Variants in EIF3B observed in about 807,000 individuals in gnomAD.
EIF3B encodes the protein eukaryotic translation initiation factor 3 subunit 9.
Under a neutral mutation model 104.6 loss-of-function variants are expected in EIF3B, and 10 were observed. That is an observed-to-expected ratio of 0.10 (90% confidence interval 0.06 to 0.16). The LOEUF (loss-of-function observed/expected upper bound fraction) is 0.16. EIF3B is among the 10% of genes least tolerant of loss of function. The pLI, the probability that EIF3B is intolerant of heterozygous loss-of-function variation, is 1.00. For synonymous variants in EIF3B, 542 were observed against 417.2 expected (o/e 1.30, Z -3.65); for missense variants, 1,014 against 1,087.9 (o/e 0.93, Z 0.96).
chr7:2,369,250 C>T (rs561711030), intron 9 of EIF3B, among the ~76,000 whole-genome samples: 1 of 152,190 alleles, frequency 6.6e-6, no homozygotes, highest in Non-Finnish European at 1.5e-5. Context: ...TGTCTGCATT[C>T]ACTCCTTGTC....
chr7:2,376,478 A>T (rs910688277), intron 14 of EIF3B: 2 of 153,020 alleles, frequency 1.3e-5, no homozygotes, highest in Non-Finnish European at 2.9e-5. Context: ...GAGGCCTGCC[A>T]TGAGGAGAGC....
upstream of EIF3B, chr7:2,354,757 T>G: frequency 1.9e-5 from 10 of 535,448 alleles, no homozygotes; most frequent in Non-Finnish European, 1.5e-5. Context: ...TCAGGGTCGT[T>G]CGTGAGGCCC....
intron 13 of EIF3B, 72 bp downstream of exon 13, chr7:2,374,678 C>A: frequency 7.3e-7 from 1 of 1,368,898 alleles, no homozygotes; most frequent in Non-Finnish European, 1.0e-6. Flanking sequence ...CCTCAGGCGC[C>A]TGCACCCGGC....
chr7:2,356,865 A>G (rs542362311), intron 1 of EIF3B, among the ~76,000 whole-genome samples: 4 of 150,810 alleles, frequency 2.7e-5, no homozygotes, highest in Admixed American at 2.0e-4. Context: ...TTTTTTTTTC[A>G]TAAAAGACAT....
At position 2,363,198 on chromosome 7, in the gene EIF3B, A is replaced by G. The variant is rs140438802; in HGVS notation, c.870+71A>G. On this transcript the variant is annotated intron_variant, in intron 4 of 18. Coordinates refer to ENST00000360876, the MANE Select transcript of EIF3B (RefSeq NM_001037283.2). ...CTGGGTGTGGTGGGTCACACCTGCA[A>G]TCCCAGCACTTAGGGAGGCTGAGGT... 1.1e-3 allele frequency: 1,581 copies of G among 1,461,128 alleles called. 11 individuals are homozygous for G. The African/African-American group carries it at 0.016, about 14-fold the overall frequency. The allele number at this position is 1,461,128 out of a possible 1,614,324, so 90.5% of individuals were successfully genotyped here. A position where few individuals can be genotyped will look rare whatever the true frequency, so the allele number is the denominator to read the frequency against.
At chr7:2,372,215 GAAA>G in intron 11 of EIF3B, 1 of 246,670 alleles carries the variant, frequency 4.1e-6, no homozygotes, top group South Asian at 7.3e-5. Flanking sequence ...AAAAAAAAGA[GAAA>G]AGAGATTGAG....
At chr7:2,376,687 T>C in intron 14 of EIF3B, 2 of 413,550 alleles carry the variant, frequency 4.8e-6, no homozygotes, top group Non-Finnish European at 8.6e-6. Context: ...CAGCATGGGG[T>C]TCTTATTGCC....
rs748558666 is a variant in EIF3B, at chr7:2,372,723, C to T, written c.1738C>T (p.Leu580=). The part of the protein sequence containing the change: ...WEPNGSKFAV[L]HGEAPRISVS... ...ACCAAATGGAAGTAAGTTTGCTGTG[C>T]TGCACGGAGAGGCTCCGCGGATATC... The change falls in exon 12 of 19, where the codon CTG becomes TTG. Residue 580 remains leucine (L), a synonymous_variant. Coordinates refer to ENST00000360876, the MANE Select transcript of EIF3B (RefSeq NM_001037283.2). 3 of 1,614,162 alleles carry T rather than the reference C, an allele frequency of 1.9e-6. No homozygotes were observed. The highest frequency in any genetic ancestry group is 1.7e-6 in the Non-Finnish European group (2 of 1,180,022).
chr7:2,373,623 T>C (rs1419722), intron 12 of EIF3B: 48,062 of 152,164 alleles, frequency 0.32, 9,782 homozygotes, highest in African/African-American at 0.59. Flanking sequence ...GGCAGTGGAT[T>C]ACAAGATTGG....
chr7:2,357,341 G>A lies in EIF3B; in HGVS notation c.499+1921G>A, dbSNP rs1779503556. Among the ~76,000 whole-genome samples the A allele has an allele frequency of 2.0e-5, 3 of 152,272 alleles. No homozygotes were observed. The South Asian group carries it at 6.2e-4, about 32-fold the overall frequency. ...GAGGCATCTGGTCCTGAGGACTAAG[G>A]CTCAGGAAGCCGACTTTGTCATGGC... On this transcript the variant is annotated intron_variant, in intron 1 of 18. Transcript: ENST00000360876.
intron 7 of EIF3B, 30 bp downstream of exon 7, chr7:2,366,478 G>T (rs760436774): frequency 1.2e-6 from 2 of 1,613,984 alleles, no homozygotes; most frequent in African/African-American, 1.3e-5. Flanking sequence ...GAGCTCTGTA[G>T]CCTTTGTCTT....
Position 2,355,470 on chromosome 7 carries a change from G to A in EIF3B, c.499+50G>A, listed in dbSNP as rs115900900. 706 of 1,401,032 alleles carry A rather than the reference G, an allele frequency of 5.0e-4. 1 individual carries two copies. The African/African-American group carries it at 9.3e-3, about 18-fold the overall frequency. The allele number at this position is 1,401,032 out of a possible 1,614,324, so 86.8% of individuals were successfully genotyped here. A position where few individuals can be genotyped will look rare whatever the true frequency, so the allele number is the denominator to read the frequency against. The stretch of plus-strand genomic sequence containing the variant: ...GCGAGCGGCGCGGGAGCGTGGCTGG[G>A]GTTCCCGAGGTGGGAGATATCGTCG... On this transcript the variant is annotated intron_variant, in intron 1 of 18. Coordinates refer to ENST00000360876, the MANE Select transcript of EIF3B (RefSeq NM_001037283.2).
rs1459685125 is a variant in EIF3B at position 2,355,316 on chromosome 7, A to T, written c.395A>T (p.Glu132Val). Residue 132 changes from glutamate to valine, a missense_variant, in exon 1 of 19, where the codon GAG becomes GTG. By Grantham distance (121) the Glu-to-Val change is moderately radical. Transcript: ENST00000360876. ...GTGTCCGAGGACGCGGGAGGAAACGAGGGCAGAGCGGCCGAGGCCGAACCC... is the reference window on the plus strand; with the variant it reads ...GTGTCCGAGGACGCGGGAGGAAACGTGGGCAGAGCGGCCGAGGCCGAACCC... ...QAVSEDAGGN[E>V]GRAAEAEPRA... 1.3e-6 allele frequency: 2 copies of T among 1,540,712 alleles called. No individual in the cohort carries two copies. The highest frequency in any genetic ancestry group is 4.8e-5 in the East Asian group (2 of 41,334).
intron 6 of EIF3B, among the ~76,000 whole-genome samples, chr7:2,365,769 G>A (rs1478282573): frequency 2.0e-5 from 3 of 150,316 alleles, no homozygotes; most frequent in Non-Finnish European, 4.4e-5. Flanking sequence ...TCCACCTCCC[G>A]GGTTCAAGCT....
At position 2,374,489 on chromosome 7, in the gene EIF3B, G is replaced by A. The variant is rs771780865; in HGVS notation, c.1811-39G>A. The A allele has an allele frequency of 2.6e-5, 42 of 1,606,132 alleles. No homozygotes were observed. In the East Asian group the frequency reaches 2.7e-4, roughly 10 times the overall value. ...CCTTGGCTGCCCCGGCACTGTGGAAGCCCTCGCAGCTCGTGACAGGCGCGC... is the reference window on the plus strand; with the variant it reads ...CCTTGGCTGCCCCGGCACTGTGGAAACCCTCGCAGCTCGTGACAGGCGCGC... On this transcript the variant is annotated intron_variant, in intron 12 of 18. Transcript: ENST00000360876.
At position 2,363,745 on chromosome 7, in the gene EIF3B, A is replaced by T; in HGVS notation, c.984A>T (p.Ser328=). The T allele has an allele frequency of 6.2e-7, 1 of 1,613,902 alleles. No individual in the cohort carries two copies. Among genetic ancestry groups the T allele is most frequent in the Non-Finnish European group, 8.5e-7 (1 of 1,179,988 alleles). The change falls in exon 5 of 19, where the codon TCA becomes TCT. Residue 328 remains serine, a synonymous_variant. Transcript: ENST00000360876. ...GGAATGACGTAAAAGACCCTGTCTC[A>T]ATTGAAGAAAGAGCGGTGTGTATTT... ...IFWNDVKDPV[S]IEERARWTET...
chr7:2,364,594 A>G (rs1188743781), intron 6 of EIF3B, 65 bp downstream of exon 6: 6 of 1,436,436 alleles, frequency 4.2e-6, no homozygotes, highest in Non-Finnish European at 5.7e-6. Context: ...TCTACAGGTG[A>G]TCTTTCATTT....
Position 2,380,518 on chromosome 7 carries a change from C to T in EIF3B, c.*329C>T, listed in dbSNP as rs1220635511. The T allele has an allele frequency of 1.6e-5, 7 of 437,382 alleles. No homozygotes were observed. Among genetic ancestry groups the T allele is most frequent in the African/African-American group, 4.0e-5 (2 of 49,792 alleles). 27.1% of individuals were successfully genotyped at this position (437,382 alleles called of 1,614,324 possible). A position where few individuals can be genotyped will look rare whatever the true frequency, so the allele number is the denominator to read the frequency against. On this transcript the variant is annotated 3_prime_UTR_variant, in exon 19 of 19. Coordinates refer to ENST00000360876, the MANE Select transcript of EIF3B (RefSeq NM_001037283.2). ...GGCGTTGGCTCCGAAGACTTAGCGA[C>T]GCCACTGGCGGCACCTTCTCCTGCG...
rs533298801 is a variant in EIF3B at position 2,377,490 on chromosome 7, G to T, written c.2154+415G>T. Among the ~76,000 whole-genome samples, 337 of 136,492 alleles carry T rather than the reference G, an allele frequency of 2.5e-3. 1 individual carries two copies. Among genetic ancestry groups the T allele is most frequent in the South Asian group, 8.2e-3 (36 of 4,378 alleles). The allele number at this position is 136,492 out of a possible 152,430, so 89.5% of individuals were successfully genotyped here. ...GATGGAGGAAGGAGCAGGCACGAGC[G>T]CTCCTGGGATGCTGTGTTGTGTGAA... On this transcript the variant is annotated intron_variant, in intron 15 of 18. Coordinates refer to ENST00000360876, the MANE Select transcript of EIF3B (RefSeq NM_001037283.2).
Sources: gnomAD v4.1 joint callset for allele counts (sites outside exome capture counted in the v4.1 genomes callset) on GRCh38, gnomAD v4.1.1 for gene constraint, MANE v1.5 for transcripts, NCBI Gene and HGNC (gene_info 2026-07-23, HGNC 2026-07-21) for gene names.